Variants in MYPN observed in about 807,000 individuals in gnomAD.
MYPN encodes sarcomeric protein myopalladin, 145 kDa (MYOP).
MYPN carries 63 observed loss-of-function variants against 129.4 expected under a neutral mutation model. The ratio of observed to expected loss-of-function variants is 0.49; its 90% confidence interval spans 0.40 to 0.60. The LOEUF (loss-of-function observed/expected upper bound fraction) is 0.60, where lower values mean the gene tolerates loss of function less well. MYPN is among the 20% of genes least tolerant of loss of function. The pLI is 0.00. For synonymous variants in MYPN, 629 were observed against 600.9 expected (o/e 1.05, Z -0.68); for missense variants, 1,596 against 1,635.4 (o/e 0.98, Z 0.42).
At position 68,125,589 on chromosome 10, in the gene MYPN, T is replaced by G. The variant is rs1454216379; in HGVS notation, c.902+3249T>G. Among the ~76,000 whole-genome samples the G allele has an allele frequency of 5.3e-5, 8 of 152,332 alleles. No individual in the cohort carries two copies. In the East Asian group the frequency reaches 1.5e-3, roughly 29 times the overall value. On this transcript the variant is annotated intron_variant, in intron 2 of 19. Coordinates refer to ENST00000358913, the MANE Select transcript of MYPN (RefSeq NM_032578.4). ...CAGACACAATATAAATATGCATCCC[T>G]GCCTTCAAGGAGCTTGCAATACAGT... is the stretch of plus-strand genomic sequence containing the variant.
rs1320627800 is a variant in MYPN at position 68,158,552 on chromosome 10, C to G, written c.1384C>G (p.Pro462Ala). 6.2e-7 allele frequency: 1 copy of G among 1,612,816 alleles called. No individual in the cohort carries two copies. Among genetic ancestry groups the G allele is most frequent in the East Asian group, 2.2e-5 (1 of 44,860 alleles). The change falls in exon 7 of 20, where the codon CCA (proline) becomes GCA (alanine). Residue 462 changes from proline to alanine, a missense_variant. Coordinates refer to ENST00000358913, the MANE Select transcript of MYPN (RefSeq NM_032578.4). ...CTTTGAATGCAGAGTAAAAGGAGCT[C>G]CATCTCCTAAGGTTGAGTGGTATAG... Reference protein sequence around the residue: ...VVFECRVKGAPSPKVEWYREG... With the variant: ...VVFECRVKGAASPKVEWYREG...
chr10:68,113,626 G>T (rs1296973122), intron 1 of MYPN, among the ~76,000 whole-genome samples: 1 of 151,148 alleles, frequency 6.6e-6, no homozygotes, highest in African/African-American at 2.4e-5. Flanking sequence ...GAGCCCCAAA[G>T]CTCAAGGCTG....
chr10:68,153,842 C>T (rs1164252544), intron 6 of MYPN, among the ~76,000 whole-genome samples: 1 of 151,938 alleles, frequency 6.6e-6, no homozygotes, highest in African/African-American at 2.4e-5. Flanking sequence ...TGTTTAGGGA[C>T]TTCTGGCATT....
chr10:68,119,734 T>G (rs2042214976), intron 1 of MYPN, among the ~76,000 whole-genome samples: 1 of 152,184 alleles, frequency 6.6e-6, no homozygotes, highest in Non-Finnish European at 1.5e-5. Flanking sequence ...TAAATTAATC[T>G]TTTTTAAAAG....
At position 68,144,882 on chromosome 10, in the gene MYPN, A is replaced by G. The variant is rs2042636291; in HGVS notation, c.1079-593A>G. On this transcript the variant is annotated intron_variant, in intron 3 of 19. Transcript: ENST00000358913. ...AAAGGCATCAGCAGGTGTTTTACATATGTGAACGCTTAGAAGTTGGGTCAG... is the reference window on the plus strand; with the variant it reads ...AAAGGCATCAGCAGGTGTTTTACATGTGTGAACGCTTAGAAGTTGGGTCAG... Among the ~76,000 whole-genome samples the G allele has an allele frequency of 2.0e-5, 3 of 152,184 alleles. No individual in the cohort carries two copies. The South Asian group carries it at 6.2e-4, about 32-fold the overall frequency.
intron 1 of MYPN, among the ~76,000 whole-genome samples, chr10:68,113,425 G>A (rs1226314118): frequency 6.6e-6 from 1 of 152,176 alleles, no homozygotes; most frequent in Non-Finnish European, 1.5e-5. Context: ...GCTAGGTGCG[G>A]TGGCTCATGC....
chr10:68,185,133 C>G (rs1414449784), intron 12 of MYPN, among the ~76,000 whole-genome samples: 3 of 124,730 alleles, frequency 2.4e-5, no homozygotes, highest in Non-Finnish European at 3.2e-5. Context: ...GGTGAAACCC[C>G]GTCAGAAAGA....
intron 18 of MYPN, among the ~76,000 whole-genome samples, chr10:68,204,933 C>G (rs775445491): frequency 3.3e-5 from 5 of 151,904 alleles, no homozygotes; most frequent in Non-Finnish European, 5.9e-5. Context: ...TGCCATGATC[C>G]CTCCCACACC....
At chr10:68,170,635 A>G (rs1053328936) in intron 10 of MYPN, among the ~76,000 whole-genome samples, 1 of 152,184 alleles carries the variant, frequency 6.6e-6, no homozygotes, top group Non-Finnish European at 1.5e-5. Context: ...ACAGAAAGGG[A>G]AGCTGTCATT....
rs554593708 is a variant in MYPN, at chr10:68,165,628, A to T, written c.1484-74A>T. 52 of 1,086,538 alleles carry T rather than the reference A, an allele frequency of 4.8e-5. 1 individual carries two copies. The South Asian group carries it at 6.5e-4, about 14-fold the overall frequency. 67.3% of individuals were successfully genotyped at this position (1,086,538 alleles called of 1,614,324 possible). The stretch of plus-strand genomic sequence containing the variant: ...TTTATATTGACTTTGTAGAATCATC[A>T]TCTGATACCAGTAAATTCTATAATT... On this transcript the variant is annotated intron_variant, in intron 8 of 19. Coordinates refer to ENST00000358913, the MANE Select transcript of MYPN (RefSeq NM_032578.4).
At chr10:68,090,355 G>A (rs2041925250) in intron 1 of MYPN, among the ~76,000 whole-genome samples, 1 of 152,126 alleles carries the variant, frequency 6.6e-6, no homozygotes, top group South Asian at 2.1e-4. Flanking sequence ...AGTAGAGATG[G>A]GGTTTCACCA....
At chr10:68,159,091 A>G (rs1334796509) in intron 7 of MYPN, among the ~76,000 whole-genome samples, 2 of 152,168 alleles carry the variant, frequency 1.3e-5, no homozygotes, top group African/African-American at 4.8e-5. Flanking sequence ...TTGCTGCTAT[A>G]AATTTACCTT....
At chr10:68,173,812 C>G (rs2043180085) in intron 10 of MYPN, among the ~76,000 whole-genome samples, 2 of 148,516 alleles carry the variant, frequency 1.3e-5, no homozygotes, top group Non-Finnish European at 3.0e-5. Flanking sequence ...CCATGTCTGG[C>G]TAATATATAT....
upstream of MYPN, among the ~76,000 whole-genome samples, chr10:68,107,647 G>A (rs930855496): frequency 7.9e-5 from 12 of 151,794 alleles, no homozygotes; most frequent in Admixed American, 7.2e-4. Flanking sequence ...CCCCGCGCCC[G>A]GCCGGCTTCT....
chr10:68,106,129 G>A (rs1030125628), upstream of MYPN: 14 of 453,508 alleles, frequency 3.1e-5, no homozygotes, highest in Non-Finnish European at 5.3e-5. Flanking sequence ...AGTGAGATTT[G>A]GACTTTAGAT....
intron 7 of MYPN, 132 bp from the exon 8 acceptor site, chr10:68,161,597 T>C: frequency 1.4e-6 from 1 of 689,918 alleles, no homozygotes. Context: ...TCTTACTTAA[T>C]ATTGTCACAT....
Position 68,207,396 on chromosome 10 carries a change from A to G in MYPN, c.3793+493A>G, listed in dbSNP as rs80304651. Among the ~76,000 whole-genome samples, 86 of 152,312 alleles carry G rather than the reference A, an allele frequency of 5.6e-4. 5 individuals are homozygous for G. In the East Asian group the frequency reaches 0.016, roughly 28 times the overall value. ...TACCTCAGGGCGTTTGTACACTTTTACATTTTACTATGAGCTTCACCTTCT... is the reference window on the plus strand; with the variant it reads ...TACCTCAGGGCGTTTGTACACTTTTGCATTTTACTATGAGCTTCACCTTCT... On this transcript the variant is annotated intron_variant, in intron 19 of 19. Transcript: ENST00000358913.
At chr10:68,092,015 G>A (rs910360341) in intron 1 of MYPN, among the ~76,000 whole-genome samples, 3 of 152,074 alleles carry the variant, frequency 2.0e-5, no homozygotes, top group Non-Finnish European at 4.4e-5. Flanking sequence ...CCAGGAGTTC[G>A]AGGGTGCAGT....
At chr10:68,138,462 A>G (rs1216767745) in intron 2 of MYPN, among the ~76,000 whole-genome samples, 1 of 151,020 alleles carries the variant, frequency 6.6e-6, no homozygotes, top group Non-Finnish European at 1.5e-5. Context: ...GTGGTGGTAA[A>G]TGCAATAACC....
Sources: allele counts gnomAD v4.1 joint callset (sites outside exome capture counted in the v4.1 genomes callset), GRCh38; gene constraint gnomAD v4.1.1; transcripts MANE v1.5; gene names NCBI Gene and HGNC (gene_info 2026-07-23, HGNC 2026-07-21).